Variants in KPNA7 observed in about 807,000 individuals in gnomAD.
KPNA7 encodes importin subunit alpha-8.
Under a neutral mutation model 53.7 loss-of-function variants are expected in KPNA7, and 54 were observed. That is an observed-to-expected ratio of 1.01 (90% CI 0.81 to 1.26). The LOEUF (loss-of-function observed/expected upper bound fraction) is 1.26, where lower values mean the gene tolerates loss of function less well. Ranked by LOEUF, KPNA7 falls within the 50% of genes most tolerant of loss-of-function variation. KPNA7 has a pLI of 0.00. For synonymous variants in KPNA7, 276 were observed against 259.3 expected (o/e 1.06, Z -0.62); for missense variants, 640 against 644.5 (o/e 0.99, Z 0.07).
At chr7:99,193,803 G>A (rs779927371) in intron 5 of KPNA7, among the ~76,000 whole-genome samples, 6 of 151,878 alleles carry the variant, frequency 4.0e-5, no homozygotes, top group Non-Finnish European at 8.8e-5. Flanking sequence ...GTAGCCTCCT[G>A]AGTAGCTGGG....
downstream of KPNA7, among the ~76,000 whole-genome samples, chr7:99,172,609 C>T (rs904765745): frequency 9.2e-5 from 14 of 152,158 alleles, no homozygotes; most frequent in Admixed American, 3.9e-4. Context: ...GAAACACACA[C>T]GCACTCTCTT....
chr7:99,156,534 TTTTG>T, the KPNA7 span, among the ~76,000 whole-genome samples: 1 of 152,140 alleles, frequency 6.6e-6, no homozygotes, highest in Non-Finnish European at 1.5e-5. Flanking sequence ...GATACTTTTT[TTTTG>T]TTTGAGACAG....
At chr7:99,192,940 T>C in intron 6 of KPNA7, 79 bp downstream of exon 6, 2 of 994,076 alleles carry the variant, frequency 2.0e-6, no homozygotes, top group Non-Finnish European at 2.9e-6. Flanking sequence ...CTGGGCAGAA[T>C]GGTGAGGCTC....
At chr7:99,163,359 G>GTGTATATATATATATATATATATATA in the KPNA7 span, among the ~76,000 whole-genome samples, 12 of 66,414 alleles carry the variant, frequency 1.8e-4, no homozygotes, top group Non-Finnish European at 2.9e-4. Flanking sequence ...ATGAGTGTGT[G>GTGTATATATATATATATATATATATA]TATATATATA....
upstream of KPNA7, among the ~76,000 whole-genome samples, chr7:99,213,030 G>C (rs141201822): frequency 1.3e-5 from 2 of 152,220 alleles, no homozygotes; most frequent in Non-Finnish European, 2.9e-5. Context: ...GTTTAAATGA[G>C]ATTCTATTTC....
In KPNA7 at chr7:99,185,078, C is replaced by T. The variant is rs550249246; in HGVS notation, c.985G>A (p.Val329Met). ...TTGTGTTGCAGGAGCTGGGGGAGCA[C>T]GTTCAGCATACCCGCATCAATGGCC... is the stretch of plus-strand genomic sequence containing the variant. ...QMAIDAGMLN[V>M]LPQLLQHNKP... Residue 329 changes from valine to methionine, a missense_variant, in exon 8 of 11, where the codon GTG becomes ATG. By Grantham distance (21) the Val-to-Met change is conservative (BLOSUM62 1). Transcript: ENST00000327442. 1.0e-5 allele frequency: 16 copies of T among 1,551,828 alleles called. No individual in the cohort carries two copies. The highest frequency in any genetic ancestry group is 5.5e-5 in the African/African-American group (4 of 73,060).
intron 1 of KPNA7, among the ~76,000 whole-genome samples, chr7:99,213,750 A>G (rs1791134404): frequency 6.6e-6 from 1 of 152,102 alleles, no homozygotes; most frequent in Non-Finnish European, 1.5e-5. Context: ...AGCTGGGACT[A>G]CAGATATGCA....
chr7:99,188,523 A>C lies in KPNA7; in HGVS notation c.677T>G (p.Leu226Arg). The change falls in exon 7 of 11, where the codon CTG becomes CGG. Residue 226 changes from leucine to arginine, a missense_variant. By Grantham distance (102) the Leu-to-Arg change is moderately radical. Coordinates refer to ENST00000327442, the MANE Select transcript of KPNA7 (RefSeq NM_001145715.3). ...LRNITWTLSN[L>R]CRNKNPYPCD... is the part of the protein sequence containing the mutation. ...AGGGTATGGGTTCTTGTTTCGGCACAGATTCGACAAGGTCCACGTGATGTT... is the reference window on the plus strand; with the variant it reads ...AGGGTATGGGTTCTTGTTTCGGCACCGATTCGACAAGGTCCACGTGATGTT... The C allele has an allele frequency of 1.3e-6, 2 of 1,551,706 alleles. No homozygotes were observed. The highest frequency in any genetic ancestry group is 1.7e-6 in the Non-Finnish European group (2 of 1,146,994).
At chr7:99,198,298 C>T (rs1445113012) in intron 3 of KPNA7, among the ~76,000 whole-genome samples, 10 of 152,078 alleles carry the variant, frequency 6.6e-5, no homozygotes, top group Admixed American at 6.6e-4. Flanking sequence ...GCTAGTATTA[C>T]TCTGATACCA....
intron 10 of KPNA7, 115 bp downstream of exon 10, chr7:99,177,805 A>G: frequency 1.9e-6 from 2 of 1,036,928 alleles, no homozygotes; most frequent in South Asian, 3.3e-5. Context: ...AGGAGTGAAG[A>G]CCACCTGCCC....
At chr7:99,194,669 T>C (rs1790136109) in intron 5 of KPNA7, among the ~76,000 whole-genome samples, 1 of 152,170 alleles carries the variant, frequency 6.6e-6, no homozygotes, top group South Asian at 2.1e-4. Flanking sequence ...AGTGGCGTTA[T>C]CTTGGTTCAC....
At chr7:99,199,146 ATG>A (rs1329842039) in intron 3 of KPNA7, among the ~76,000 whole-genome samples, 10 of 150,876 alleles carry the variant, frequency 6.6e-5, no homozygotes, top group Admixed American at 4.0e-4. Flanking sequence ...CATTGTTAAG[ATG>A]GCAATACTCC....
At chr7:99,171,996 A>G (rs1265224371), downstream of KPNA7, among the ~76,000 whole-genome samples, 1 of 152,220 alleles carries the variant, frequency 6.6e-6, no homozygotes, top group African/African-American at 2.4e-5. Flanking sequence ...AGGTTTACAC[A>G]GGCTGTAAGA....
At chr7:99,152,716 C>T in the KPNA7 span, among the ~76,000 whole-genome samples, 2 of 152,142 alleles carry the variant, frequency 1.3e-5, no homozygotes, top group African/African-American at 4.8e-5. Flanking sequence ...CTCTACAAGC[C>T]GCATGTATTT....
At chr7:99,194,647 A>G (rs1790134432) in intron 5 of KPNA7, among the ~76,000 whole-genome samples, 1 of 152,136 alleles carries the variant, frequency 6.6e-6, no homozygotes, top group Admixed American at 6.5e-5. Context: ...TCTGTTGCCC[A>G]CACTGGAGTA....
intron 6 of KPNA7, among the ~76,000 whole-genome samples, chr7:99,190,104 C>T (rs897422752): frequency 9.2e-5 from 14 of 151,766 alleles, no homozygotes; most frequent in Admixed American, 6.6e-4. Context: ...TTTGGGAGGC[C>T]GAGGCAGGTG....
At chr7:99,204,127 C>T (rs1790680935) in intron 2 of KPNA7, among the ~76,000 whole-genome samples, 1 of 152,118 alleles carries the variant, frequency 6.6e-6, no homozygotes, top group Non-Finnish European at 1.5e-5. Context: ...TGCCTATAAT[C>T]CCAGCACTTT....
chr7:99,165,678 G>A, the KPNA7 span, among the ~76,000 whole-genome samples: 29,964 of 152,084 alleles, frequency 0.2, 3,091 homozygotes, highest in South Asian at 0.33. Context: ...TGATGTTTTG[G>A]TGTGACACTT....
chr7:99,169,913 T>C (rs1301983006), downstream of KPNA7, among the ~76,000 whole-genome samples: 3 of 151,952 alleles, frequency 2.0e-5, no homozygotes, highest in Non-Finnish European at 4.4e-5. Context: ...TGGTGGCTTG[T>C]ACCTGTAATC....
Sources: allele counts gnomAD v4.1 joint callset (sites outside exome capture counted in the v4.1 genomes callset), GRCh38; gene constraint gnomAD v4.1.1; transcripts MANE v1.5; gene names NCBI Gene and HGNC (gene_info 2026-07-23, HGNC 2026-07-21).